The following JAZF1 variants were observed in gnomAD, a reference collection of about 807,000 sequenced individuals.
The protein encoded by JAZF1 is juxtaposed with another zinc finger protein 1.
JAZF1 carries 8 observed loss-of-function variants against 26.4 expected under a neutral mutation model. The ratio of observed to expected loss-of-function variants is 0.30; its 90% CI spans 0.18 to 0.55. JAZF1 has a LOEUF of 0.55. JAZF1 is among the 20% of genes least tolerant of loss of function. JAZF1 has a pLI of 0.94. For synonymous variants in JAZF1, 126 were observed against 122.3 expected, an observed-to-expected ratio of 1.03 and a Z score of -0.20; for missense variants, 199 against 322.0, an observed-to-expected ratio of 0.62 and a Z score of 2.92.
At chr7:28,059,829 C>T (rs1203143986) in intron 1 of JAZF1, among the ~76,000 whole-genome samples, 7 of 152,104 alleles carry the variant, frequency 4.6e-5, no homozygotes, top group Non-Finnish European at 8.8e-5. Context: ...TTAGTTGAAC[C>T]GCTCCTTTGA....
At chr7:28,160,186 G>A (rs894030825) in intron 1 of JAZF1, among the ~76,000 whole-genome samples, 1 of 151,684 alleles carries the variant, frequency 6.6e-6, no homozygotes, top group East Asian at 1.9e-4. Context: ...ATGGGAATAG[G>A]AAAAAAATGT....
chr7:28,110,517 A>C (rs1784634803), intron 1 of JAZF1, among the ~76,000 whole-genome samples: 1 of 87,268 alleles, frequency 1.1e-5, no homozygotes, highest in Admixed American at 1.5e-4. Flanking sequence ...AGGAAAGGAA[A>C]AGGAAAAGGA....
intron 1 of JAZF1, among the ~76,000 whole-genome samples, chr7:27,996,680 C>T (rs1031973108): frequency 6.6e-6 from 1 of 152,222 alleles, no homozygotes; most frequent in East Asian, 1.9e-4. Flanking sequence ...CTGCATCCTC[C>T]TCTTCCTCAC....
At chr7:27,945,516 C>A (rs1369027862) in intron 2 of JAZF1, among the ~76,000 whole-genome samples, 1 of 152,198 alleles carries the variant, frequency 6.6e-6, no homozygotes, top group Non-Finnish European at 1.5e-5. Context: ...GTTACTATCA[C>A]TTCCCACACC....
intron 2 of JAZF1, among the ~76,000 whole-genome samples, chr7:27,985,138 C>T (rs1242826526): frequency 2.6e-5 from 4 of 152,088 alleles, no homozygotes; most frequent in African/African-American, 9.7e-5. Context: ...CACAAAAACC[C>T]TTCAAAAAAA....
chr7:28,008,558 T>C (rs1167724723), intron 1 of JAZF1, among the ~76,000 whole-genome samples: 6 of 152,232 alleles, frequency 3.9e-5, no homozygotes, highest in Non-Finnish European at 7.3e-5. Flanking sequence ...AATAACCCAG[T>C]GCAGCCACAT....
chr7:27,885,543 C>T (rs112958110), intron 3 of JAZF1, among the ~76,000 whole-genome samples: 137 of 152,250 alleles, frequency 9.0e-4, no homozygotes, highest in African/African-American at 3.0e-3. Flanking sequence ...GAGTTCCGTA[C>T]GTATTCTAGA....
At chr7:27,905,757 A>G (rs1784244682) in intron 2 of JAZF1, among the ~76,000 whole-genome samples, 1 of 152,108 alleles carries the variant, frequency 6.6e-6, no homozygotes, top group Non-Finnish European at 1.5e-5. Flanking sequence ...AAAAGGAAAA[A>G]CTACTTTAAC....
intron 2 of JAZF1, among the ~76,000 whole-genome samples, chr7:27,986,800 C>T (rs563017564): frequency 9.1e-4 from 138 of 152,270 alleles, no homozygotes; most frequent in African/African-American, 3.2e-3. Context: ...GGATTGCAGG[C>T]GCGCGCTGCC....
At chr7:27,897,967 T>A (rs1418535047) in intron 2 of JAZF1, among the ~76,000 whole-genome samples, 1 of 152,250 alleles carries the variant, frequency 6.6e-6, no homozygotes, top group African/African-American at 2.4e-5. Flanking sequence ...TTCAGAGGAC[T>A]GTTGTGAGAG....
intron 3 of JAZF1, among the ~76,000 whole-genome samples, chr7:27,864,422 A>AT (rs1783436648): frequency 6.6e-6 from 1 of 152,182 alleles, no homozygotes. Context: ...AGGCCCCTTC[A>AT]TCCTTTTCTT....
chr7:28,009,425 C>T lies in JAZF1; in HGVS notation c.116-17444G>A, dbSNP rs80214823. Among the ~76,000 whole-genome samples the T allele has an allele frequency of 0.029, 4,452 of 151,932 alleles. 315 individuals carry two copies. The East Asian group carries it at 0.31, about 11-fold the overall frequency. The stretch of plus-strand genomic sequence containing the variant: ...GTACACCCCTCCAGACACAAACATA[C>T]GAAAGTTTCACAAAACATTACTAAA... On this transcript the variant is annotated intron_variant, in intron 1 of 4. Transcript: ENST00000283928.
chr7:28,065,645 TTA>T (rs1307719968), intron 1 of JAZF1, among the ~76,000 whole-genome samples: 8 of 152,270 alleles, frequency 5.3e-5, no homozygotes, highest in African/African-American at 1.9e-4. Context: ...TAGCATCTTG[TTA>T]TCTAGGTAGT....
chr7:27,898,385 T>C (rs1784109010), intron 2 of JAZF1, among the ~76,000 whole-genome samples: 1 of 146,070 alleles, frequency 6.8e-6, no homozygotes, highest in Admixed American at 6.9e-5. Flanking sequence ...CGATCTCGGC[T>C]CACCTCTGCC....
rs1011612215 is a variant in JAZF1 at position 27,900,095 on chromosome 7, A to G, written c.189-4679T>C. On this transcript the variant is annotated intron_variant, in intron 2 of 4. Transcript: ENST00000283928. ...GGGAGGTCTCTGGAATTGTAGCCCC[A>G]CTGGGCTACGATCTGGGAAAGGCTG... 2.0e-5 allele frequency among the ~76,000 whole-genome samples: 3 copies of G among 152,102 alleles called. 1 individual carries two copies. Among genetic ancestry groups the G allele is most frequent in the African/African-American group, 7.2e-5 (3 of 41,416 alleles).
At chr7:28,161,723 G>A (rs1321282285) in intron 1 of JAZF1, among the ~76,000 whole-genome samples, 1 of 152,084 alleles carries the variant, frequency 6.6e-6, no homozygotes, top group Non-Finnish European at 1.5e-5. Flanking sequence ...TGCTTTCCCT[G>A]ACAGCCTTTG....
intron 2 of JAZF1, among the ~76,000 whole-genome samples, chr7:27,977,921 T>C (rs1785504154): frequency 6.6e-6 from 1 of 152,258 alleles, no homozygotes; most frequent in African/African-American, 2.4e-5. Flanking sequence ...TCAGGGATCA[T>C]GGTCTTGCAC....
chr7:27,916,261 A>C (rs369657956), intron 2 of JAZF1, among the ~76,000 whole-genome samples: 1 of 89,628 alleles, frequency 1.1e-5, no homozygotes, highest in African/African-American at 3.9e-5. Flanking sequence ...CAGGGAAAAG[A>C]AAAAAAAAAA....
intron 1 of JAZF1, among the ~76,000 whole-genome samples, chr7:28,073,866 A>G (rs1784012736): frequency 6.6e-6 from 1 of 152,188 alleles, no homozygotes; most frequent in South Asian, 2.1e-4. Flanking sequence ...AAGAAGCAAA[A>G]CATAAAATAA....
Sources: allele counts gnomAD v4.1 joint callset (sites outside exome capture counted in the v4.1 genomes callset), GRCh38; gene constraint gnomAD v4.1.1; transcripts MANE v1.5; gene names NCBI Gene and HGNC (gene_info 2026-07-23, HGNC 2026-07-21).